C1QC: variants seen among roughly 807,000 people sequenced by gnomAD.
The protein encoded by C1QC is complement C1q subcomponent subunit C.
In C1QC, 4 loss-of-function variants were observed where a neutral mutation model predicts 5.9. The ratio of observed to expected loss-of-function variants is 0.68; its 90% CI spans 0.33 to 1.55. The LOEUF (loss-of-function observed/expected upper bound fraction) is 1.55. C1QC is among the 40% of genes most tolerant of loss of function. The pLI, the probability that C1QC is intolerant of heterozygous loss-of-function variation, is 0.06. For synonymous variants in C1QC, 166 were observed against 153.8 expected, an observed-to-expected ratio of 1.08 and a Z score of -0.59; for missense variants, 299 against 326.9, an observed-to-expected ratio of 0.91 and a Z score of 0.66.
intron 2 of C1QC, 43 bp downstream of exon 2, chr1:22,644,247 G>A (rs1456199897): frequency 4.0e-6 from 6 of 1,515,814 alleles, no homozygotes; most frequent in Non-Finnish European, 5.3e-6. Context: ...TCTGGGGCAG[G>A]GATCAGAGTG....
intron 2 of C1QC, among the ~76,000 whole-genome samples, chr1:22,644,447 A>G (rs1642336467): frequency 6.6e-6 from 1 of 152,046 alleles, no homozygotes; most frequent in African/African-American, 2.4e-5. Flanking sequence ...TCCTTACCCG[A>G]TTATAGGGAG....
intron 1 of C1QC, 85 bp downstream of exon 1, chr1:22,643,799 C>T (rs149682412): frequency 0.011 from 14,410 of 1,338,132 alleles, 99 homozygotes; most frequent in Non-Finnish European, 0.013. Flanking sequence ...GTGCCAGGGG[C>T]AGCTTGGTGT....
Position 22,647,210 on chromosome 1 carries a change from G to T in C1QC, c.182-17G>T. ...TCCCCCACCCTATCACTTTCTCTCT[G>T]CCTTCTCCATCTCCAGGAATCCCAG... is the stretch of plus-strand genomic sequence containing the variant. On this transcript the variant is annotated splice_polypyrimidine_tract_variant and intron_variant, in intron 2 of 2. Coordinates refer to ENST00000374640, the MANE Select transcript of C1QC (RefSeq NM_172369.5). The T allele has an allele frequency of 6.2e-7, 1 of 1,601,106 alleles. No homozygotes were observed. The highest frequency in any genetic ancestry group is 8.5e-7 in the Non-Finnish European group (1 of 1,179,724).
At position 22,647,944 on chromosome 1, in the gene C1QC, C is replaced by G. The variant is rs1321456568; in HGVS notation, c.*161C>G. On this transcript the variant is annotated 3_prime_UTR_variant, in exon 3 of 3. Coordinates refer to ENST00000374640, the MANE Select transcript of C1QC (RefSeq NM_172369.5). ...CCCTGACCCACCCCCACTGCACCCC[C>G]TCCCCATGGGTTCTCTCCTTCCTCT... 5.4e-6 allele frequency: 5 copies of G among 921,688 alleles called. No individual in the cohort carries two copies. The highest frequency in any genetic ancestry group is 8.1e-6 in the Non-Finnish European group (5 of 615,856). 57.1% of individuals were successfully genotyped at this position (921,688 alleles called of 1,614,324 possible).
chr1:22,643,956 A>AG (rs1298467562), intron 1 of C1QC, 55 bp from the exon 2 acceptor site: 1 of 1,538,650 alleles, frequency 6.5e-7, no homozygotes, highest in African/African-American at 1.4e-5. Flanking sequence ...GGGGAATGAG[A>AG]GGGTTGGGGG....
Position 22,647,596 on chromosome 1 carries a change from G to C in C1QC, c.551G>C (p.Arg184Pro). 1.2e-6 allele frequency: 2 copies of C among 1,614,196 alleles called. No individual in the cohort carries two copies. The highest frequency in any genetic ancestry group is 1.7e-6 in the Non-Finnish European group (2 of 1,180,036). ...GCCAACCTGTGCGTGCTGCTGTACC[G>C]CAGCGGCGTCAAAGTGGTCACCTTC... Reference protein sequence around the residue: ...HTANLCVLLYRSGVKVVTFCG... With the variant: ...HTANLCVLLYPSGVKVVTFCG... Residue 184 changes from arginine to proline, a missense_variant, in exon 3 of 3, where the codon CGC (arginine) becomes CCC (proline). Transcript: ENST00000374640.
chr1:22,645,067 C>G (rs72877151), intron 2 of C1QC, among the ~76,000 whole-genome samples: 1 of 151,946 alleles, frequency 6.6e-6, no homozygotes, highest in Non-Finnish European at 1.5e-5. Context: ...TGACACTGAG[C>G]GGAGGTGATG....
chr1:22,643,939 G>T (rs74909167), intron 1 of C1QC, 72 bp from the exon 2 acceptor site: 6 of 1,505,684 alleles, frequency 4.0e-6, no homozygotes, highest in Non-Finnish European at 4.5e-6. Context: ...TGAGGAGGAC[G>T]GGCCCTGGGG....
chr1:22,648,047 T>C lies in C1QC; in HGVS notation c.*264T>C. 3.7e-6 allele frequency: 2 copies of C among 535,348 alleles called. 1 individual carries two copies. The highest frequency in any genetic ancestry group is 6.6e-6 in the Non-Finnish European group (2 of 302,548). The allele number at this position is 535,348 out of a possible 1,614,324, so 33.2% of individuals were successfully genotyped here. A position where few individuals can be genotyped will look rare whatever the true frequency, so the allele number is the denominator to read the frequency against. On this transcript the variant is annotated 3_prime_UTR_variant, in exon 3 of 3. Transcript: ENST00000374640. ...CCTTCTGGTACTGCCATTCTTTTTT[T>C]TTTTTTTTTCAAGTATTGGAAGGGG... is the stretch of plus-strand genomic sequence containing the variant.
chr1:22,646,550 C>T (rs1206853581), intron 2 of C1QC, among the ~76,000 whole-genome samples: 1 of 152,134 alleles, frequency 6.6e-6, no homozygotes, highest in African/African-American at 2.4e-5. Context: ...CTGGTTTTGA[C>T]ATTATACTTT....
rs760270842 is a variant in C1QC at position 22,644,077 on chromosome 1, C to CCTG, written c.65_67dup (p.Leu22dup). 12 of 1,580,792 alleles carry CCTG rather than the reference C, an allele frequency of 7.6e-6. No individual in the cohort carries two copies. Among genetic ancestry groups the CCTG allele is most frequent in the Admixed American group, 1.9e-5 (1 of 53,668 alleles). ...ACCTTGGGCTGAAGCTGCTGCTGCT[C>CCTG]CTGCTGCTGCTGCCCCTCAGGGGCC... is the stretch of plus-strand genomic sequence containing the variant. On this transcript the variant is annotated inframe_insertion, in exon 2 of 3. Coordinates refer to ENST00000374640, the MANE Select transcript of C1QC (RefSeq NM_172369.5).
chr1:22,647,346 C>T lies in C1QC; in HGVS notation c.301C>T (p.Pro101Ser), dbSNP rs1642385918. The T allele has an allele frequency of 6.2e-7, 1 of 1,613,864 alleles. No individual in the cohort carries two copies. Among genetic ancestry groups the T allele is most frequent in the Admixed American group, 1.7e-5 (1 of 60,002 alleles). The change falls in exon 3 of 3, where the codon CCC (proline) becomes TCC (serine). Residue 101 changes from proline to serine, a missense_variant. Physicochemically the swap from Pro to Ser is moderately conservative, Grantham distance 74. Around this residue, in one of 3 missense-constraint regions of C1QC, gnomAD observed 146 missense variants for 144.1 expected, o/e 1.01. Transcript: ENST00000374640. ...GPPGMPGVPG[P>S]MGIPGEPGEE... ...CCCTGGGATGCCAGGGGTGCCCGGC[C>T]CCATGGGCATCCCTGGAGAGCCAGG...
chr1:22,646,575 T>C (rs188853206), intron 2 of C1QC, among the ~76,000 whole-genome samples: 1 of 152,336 alleles, frequency 6.6e-6, no homozygotes, highest in East Asian at 1.9e-4. Flanking sequence ...ATACAAGCTG[T>C]GTCACTGGGG....
rs751223765 is a variant in C1QC, at chr1:22,647,521, C to A, written c.476C>A (p.Thr159Asn). ...GDYDTSTGKF[T>N]CKVPGLYYFV... ...TATGACACGAGCACTGGCAAGTTCA[C>A]CTGCAAAGTCCCCGGCCTCTACTAC... Residue 159 changes from threonine to asparagine, a missense_variant, in exon 3 of 3, where the codon ACC becomes AAC. By Grantham distance (65) the Thr-to-Asn change is moderately conservative. Around this residue, in one of 3 missense-constraint regions of C1QC, gnomAD observed 144 missense variants for 155.1 expected, o/e 0.93. Coordinates refer to ENST00000374640, the MANE Select transcript of C1QC (RefSeq NM_172369.5). The A allele has an allele frequency of 1.9e-6, 3 of 1,614,128 alleles. No individual in the cohort carries two copies. Among genetic ancestry groups the A allele is most frequent in the African/African-American group, 2.7e-5 (2 of 74,940 alleles).
In C1QC at chr1:22,644,152, G is replaced by C. The variant is rs767303836; in HGVS notation, c.129G>C (p.Gly43=). ...YGIPGMPGLP[G]APGKDGYDGL... is the part of the protein sequence containing the mutation. ...TCCCAGGGATGCCCGGCCTGCCCGG[G>C]GCACCAGGGAAGGATGGGTACGACG... The change falls in exon 2 of 3, where the codon GGG becomes GGC. Residue 43 remains glycine, a synonymous_variant. Transcript: ENST00000374640. 13 of 1,587,166 alleles carry C rather than the reference G, an allele frequency of 8.2e-6. No homozygotes were observed. The highest frequency in any genetic ancestry group is 1.1e-5 in the Non-Finnish European group (13 of 1,167,874).
intron 2 of C1QC, 134 bp from the exon 3 acceptor site, chr1:22,647,093 A>T: frequency 9.4e-7 from 1 of 1,059,262 alleles, no homozygotes; most frequent in Non-Finnish European, 1.4e-6. Context: ...CCCTGCTCCT[A>T]GGGAGATAGC....
intron 1 of C1QC, 105 bp downstream of exon 1, chr1:22,643,819 A>C: frequency 7.4e-7 from 1 of 1,354,324 alleles, no homozygotes; most frequent in Non-Finnish European, 9.5e-7. Flanking sequence ...TGTGAGGGGA[A>C]GGAGGGTTCC....
At chr1:22,643,883 C>T in intron 1 of C1QC, 128 bp from the exon 2 acceptor site, 2 of 1,376,440 alleles carry the variant, frequency 1.5e-6, no homozygotes, top group South Asian at 1.6e-5. Context: ...ACCATCCATC[C>T]ATGGTGAGGC....
At chr1:22,643,988 C>G (rs1244575064) in intron 1 of C1QC, 23 bp from the exon 2 acceptor site, 6 of 1,583,596 alleles carry the variant, frequency 3.8e-6, no homozygotes, top group Non-Finnish European at 5.1e-6. Context: ...CTGGCGGGGA[C>G]AGCTCAGCTC....
Sources: gnomAD v4.1 joint callset for allele counts (sites outside exome capture counted in the v4.1 genomes callset) on GRCh38, gnomAD v4.1.1 for gene constraint, gnomAD v4.1.1 regional missense constraint, MANE v1.5 for transcripts, NCBI Gene and HGNC (gene_info 2026-07-23, HGNC 2026-07-21) for gene names.